PCDH15: variants seen among roughly 807,000 people sequenced by gnomAD.
The protein encoded by PCDH15 is protocadherin-15.
In PCDH15, 129 loss-of-function variants were observed where a neutral mutation model predicts 178.5. The observed-to-expected ratio is 0.72, with a 90% CI of 0.63 to 0.84. PCDH15 has a LOEUF of 0.84. PCDH15 is among the 40% of genes least tolerant of loss of function. The pLI, the probability that PCDH15 is intolerant of heterozygous loss-of-function variation, is 0.00. For missense variants in PCDH15, 2,230 were observed against 2,099.9 expected (o/e 1.06, Z -1.21); for synonymous variants, 800 against 732.0 (o/e 1.09, Z -1.50).
intron 2 of PCDH15, among the ~76,000 whole-genome samples, chr10:55,603,576 TGG>T (rs1254997864): frequency 6.6e-6 from 1 of 150,566 alleles, no homozygotes; most frequent in African/African-American, 2.4e-5. Flanking sequence ...CAGAAGAGAG[TGG>T]GGGCCAATAT....
At chr10:55,388,130 A>G (rs1837706048) in intron 2 of PCDH15, among the ~76,000 whole-genome samples, 1 of 152,006 alleles carries the variant, frequency 6.6e-6, no homozygotes, top group South Asian at 2.1e-4. Flanking sequence ...TTCTCTTCCT[A>G]TGTTCTGTAG....
intron 9 of PCDH15, among the ~76,000 whole-genome samples, chr10:54,216,895 T>C (rs2052132023): frequency 6.6e-6 from 1 of 152,146 alleles, no homozygotes; most frequent in Non-Finnish European, 1.5e-5. Flanking sequence ...CAGATGATAA[T>C]TCAAATGTAA....
intron 1 of PCDH15, among the ~76,000 whole-genome samples, chr10:54,724,894 G>A (rs919828474): frequency 1.3e-4 from 12 of 89,708 alleles, no homozygotes; most frequent in Non-Finnish European, 1.9e-4. Context: ...TAGCCAAATA[G>A]TACATATATA....
At chr10:55,236,976 G>A (rs938183859) in intron 1 of PCDH15, among the ~76,000 whole-genome samples, 42 of 151,414 alleles carry the variant, frequency 2.8e-4, no homozygotes, top group African/African-American at 1.0e-3. Context: ...CGCATCACTG[G>A]ATCTTATTTT....
chr10:55,408,167 A>T (rs2132032206), intron 2 of PCDH15, among the ~76,000 whole-genome samples: 1 of 149,910 alleles, frequency 6.7e-6, no homozygotes, highest in Non-Finnish European at 1.5e-5. Flanking sequence ...TATGACTAAA[A>T]TAAAATAACC....
chr10:55,165,989 T>C (rs1412625265), intron 2 of PCDH15, among the ~76,000 whole-genome samples: 1 of 152,142 alleles, frequency 6.6e-6, no homozygotes, highest in East Asian at 1.9e-4. Flanking sequence ...ACTGAAGCTA[T>C]TGTTACCCAA....
intron 2 of PCDH15, among the ~76,000 whole-genome samples, chr10:55,105,235 CA>C (rs1591906872): frequency 1.3e-5 from 2 of 152,048 alleles, no homozygotes; most frequent in Non-Finnish European, 1.5e-5. Flanking sequence ...GCATTCATGA[CA>C]TGCCAATTTT....
At chr10:54,656,244 C>T (rs964497362) in intron 2 of PCDH15, among the ~76,000 whole-genome samples, 1 of 151,984 alleles carries the variant, frequency 6.6e-6, no homozygotes, top group Non-Finnish European at 1.5e-5. Context: ...CAGGACCTGT[C>T]AGAGAACCCA....
At chr10:55,158,753 C>T (rs1838970312) in intron 2 of PCDH15, among the ~76,000 whole-genome samples, 1 of 150,658 alleles carries the variant, frequency 6.6e-6, no homozygotes, top group Admixed American at 6.6e-5. Context: ...GTAACAGAAG[C>T]CAGAAGCTGT....
At chr10:54,287,779 T>A (rs1006426846) in intron 8 of PCDH15, among the ~76,000 whole-genome samples, 3 of 152,182 alleles carry the variant, frequency 2.0e-5, no homozygotes, top group Non-Finnish European at 4.4e-5. Flanking sequence ...TATATCTGAA[T>A]CTAAATGCCA....
chr10:55,379,491 G>C (rs1272775254), intron 2 of PCDH15, among the ~76,000 whole-genome samples: 2 of 151,894 alleles, frequency 1.3e-5, no homozygotes, highest in East Asian at 1.9e-4. Flanking sequence ...CAATTATTTA[G>C]TACATAGTAG....
intron 3 of PCDH15, among the ~76,000 whole-genome samples, chr10:54,851,348 C>A (rs1018382996): frequency 3.3e-5 from 5 of 151,688 alleles, no homozygotes; most frequent in African/African-American, 9.7e-5. Context: ...TTTAAAATGA[C>A]AAAATAAATA....
intron 2 of PCDH15, among the ~76,000 whole-genome samples, chr10:54,554,912 C>T (rs984533790): frequency 6.6e-6 from 1 of 152,160 alleles, no homozygotes; most frequent in Non-Finnish European, 1.5e-5. Flanking sequence ...CTGGCTATTT[C>T]TCCTCAATTT....
intron 2 of PCDH15, among the ~76,000 whole-genome samples, chr10:55,398,692 A>G (rs746345882): frequency 7.9e-5 from 12 of 152,120 alleles, no homozygotes; most frequent in Non-Finnish European, 1.5e-4. Context: ...ACCATCTGGC[A>G]TATTATATGC....
intron 1 of PCDH15, among the ~76,000 whole-genome samples, chr10:55,239,260 C>G (rs894250862): frequency 2.0e-5 from 3 of 152,094 alleles, no homozygotes; most frequent in Non-Finnish European, 1.5e-5. Context: ...TTTATCTGTT[C>G]AACCATTGAT....
chr10:53,902,423 C>T lies in PCDH15; in HGVS notation c.3501+820G>A, dbSNP rs181309259. 2.9e-3 allele frequency among the ~76,000 whole-genome samples: 443 copies of T among 152,078 alleles called. 3 individuals are homozygous for T. Among genetic ancestry groups the T allele is most frequent in the Non-Finnish European group, 5.1e-3 (347 of 67,934 alleles). ...AGAAGCAATCAAAAGCTAGATTTGCCAGAGATGTTTAGGTTTTATGTGCAA... is the reference window on the plus strand; with the variant it reads ...AGAAGCAATCAAAAGCTAGATTTGCTAGAGATGTTTAGGTTTTATGTGCAA... On this transcript the variant is annotated intron_variant, in intron 26 of 37. Transcript: ENST00000644397.
intron 3 of PCDH15, among the ~76,000 whole-genome samples, chr10:54,843,705 A>G (rs1287583065): frequency 5.9e-5 from 9 of 152,206 alleles, no homozygotes; most frequent in African/African-American, 2.2e-4. Flanking sequence ...TAACATGACA[A>G]AACTAGTCAA....
intron 2 of PCDH15, chr10:55,599,297 C>T (rs2132141447): frequency 6.6e-6 from 1 of 152,216 alleles, no homozygotes; most frequent in Non-Finnish European, 1.5e-5. Flanking sequence ...AGCTGATTGT[C>T]CAAGGTAGAA....
At chr10:55,461,355 A>G (rs1839673043) in intron 2 of PCDH15, among the ~76,000 whole-genome samples, 1 of 152,100 alleles carries the variant, frequency 6.6e-6, no homozygotes, top group Non-Finnish European at 1.5e-5. Context: ...TGCCTATTAC[A>G]CTATTTTAGC....
Sources: gnomAD v4.1 joint callset for allele counts (sites outside exome capture counted in the v4.1 genomes callset) on GRCh38, gnomAD v4.1.1 for gene constraint, MANE v1.5 for transcripts, NCBI Gene and HGNC (gene_info 2026-07-23, HGNC 2026-07-21) for gene names.